Variants in TDRD7 observed in about 807,000 individuals in gnomAD.
The protein encoded by TDRD7 is tudor domain containing 7.
In TDRD7, 47 loss-of-function variants were observed where a neutral mutation model predicts 109.8. That is an observed-to-expected ratio of 0.43 (90% CI 0.34 to 0.55). The LOEUF is 0.55. TDRD7 is among the 20% of genes least tolerant of loss of function. The pLI is 0.03. For synonymous variants in TDRD7, 424 were observed against 457.3 expected, an observed-to-expected ratio of 0.93 and a Z score of 0.93; for missense variants, 1,164 against 1,319.2, an observed-to-expected ratio of 0.88 and a Z score of 1.82.
At chr9:97,450,921 T>TA (rs1564202671) in intron 6 of TDRD7, among the ~76,000 whole-genome samples, 2 of 151,370 alleles carry the variant, frequency 1.3e-5, no homozygotes, top group African/African-American at 2.4e-5. Context: ...TTTTTTTTTT[T>TA]AAACTAATGA....
intron 1 of TDRD7, among the ~76,000 whole-genome samples, chr9:97,417,465 AAG>A (rs1425734856): frequency 6.6e-6 from 1 of 152,220 alleles, no homozygotes; most frequent in Non-Finnish European, 1.5e-5. Flanking sequence ...TGCTCCAGGA[AAG>A]AGATGTTGCT....
At chr9:97,475,491 T>C (rs146331231) in intron 12 of TDRD7, 22 bp downstream of exon 12, 4 of 1,536,510 alleles carry the variant, frequency 2.6e-6, no homozygotes, top group Non-Finnish European at 3.6e-6. Flanking sequence ...TCACTTGGCT[T>C]TTTAATCTTA....
chr9:97,413,856 C>T (rs973191239), intron 1 of TDRD7, among the ~76,000 whole-genome samples: 2 of 152,060 alleles, frequency 1.3e-5, no homozygotes, highest in African/African-American at 2.4e-5. Context: ...CTGCTAATGC[C>T]CTTTTAAGTG....
chr9:97,463,782 C>T (rs1423379649), intron 7 of TDRD7, among the ~76,000 whole-genome samples: 2 of 152,126 alleles, frequency 1.3e-5, no homozygotes, highest in Non-Finnish European at 2.9e-5. Context: ...AACAAGGTGA[C>T]CACAGTTGTC....
intron 1 of TDRD7, among the ~76,000 whole-genome samples, chr9:97,418,982 G>A (rs1827855737): frequency 6.6e-6 from 1 of 152,192 alleles, no homozygotes; most frequent in Non-Finnish European, 1.5e-5. Context: ...CCTTCTTACT[G>A]AAACTCTGGC....
At chr9:97,427,876 TA>T (rs1309922861) in intron 1 of TDRD7, among the ~76,000 whole-genome samples, 2 of 152,238 alleles carry the variant, frequency 1.3e-5, no homozygotes, top group Non-Finnish European at 2.9e-5. Context: ...GTGATCTTTC[TA>T]AAATACAGAG....
chr9:97,435,698 G>A (rs1828184473), intron 4 of TDRD7, among the ~76,000 whole-genome samples: 1 of 151,790 alleles, frequency 6.6e-6, no homozygotes, highest in Non-Finnish European at 1.5e-5. Flanking sequence ...TTTTAATCAA[G>A]TCTTTTTTTA....
chr9:97,475,046 T>G (rs994715911), intron 11 of TDRD7, among the ~76,000 whole-genome samples: 4 of 152,102 alleles, frequency 2.6e-5, no homozygotes, highest in Non-Finnish European at 5.9e-5. Flanking sequence ...TCCTCACTGT[T>G]CTTCTTTTTG....
At chr9:97,434,319 G>C (rs1328889449) in intron 4 of TDRD7, among the ~76,000 whole-genome samples, 1 of 152,140 alleles carries the variant, frequency 6.6e-6, no homozygotes, top group Non-Finnish European at 1.5e-5. Context: ...CAAACTCATA[G>C]AAACAGTAAA....
chr9:97,467,486 C>T lies in TDRD7; in HGVS notation c.1629+2458C>T, dbSNP rs111226326. ...TGCTTATCTGTAAATTCAAACACTC[C>T]CATCGTGTTGTATATACCTGATACA... is the stretch of plus-strand genomic sequence containing the variant. On this transcript the variant is annotated intron_variant, in intron 8 of 16. Transcript: ENST00000355295. Among the ~76,000 whole-genome samples the T allele has an allele frequency of 8.2e-3, 1,256 of 152,264 alleles. 44 individuals are homozygous for T. In the East Asian group the frequency reaches 0.11, roughly 13 times the overall value.
At chr9:97,421,845 A>G (rs550025157) in intron 1 of TDRD7, among the ~76,000 whole-genome samples, 13 of 151,944 alleles carry the variant, frequency 8.6e-5, no homozygotes, top group African/African-American at 2.7e-4. Context: ...ACAGACGTGA[A>G]CCACCGTGCC....
chr9:97,417,679 G>C (rs1056336683), intron 1 of TDRD7, among the ~76,000 whole-genome samples: 1 of 152,140 alleles, frequency 6.6e-6, no homozygotes, highest in Non-Finnish European at 1.5e-5. Flanking sequence ...TTAAACTTGC[G>C]GAACACAAGT....
intron 6 of TDRD7, among the ~76,000 whole-genome samples, chr9:97,457,104 A>G (rs752949833): frequency 3.0e-4 from 46 of 152,226 alleles, no homozygotes; most frequent in Non-Finnish European, 5.4e-4. Flanking sequence ...ATGTTAATCA[A>G]AACCAACCAC....
intron 6 of TDRD7, among the ~76,000 whole-genome samples, chr9:97,457,971 AGGGCCTATTAGGGGGTTATTAG>A (rs1828648796): frequency 1.3e-5 from 2 of 152,114 alleles, no homozygotes; most frequent in African/African-American, 4.8e-5. Context: ...AACACTTACC[AGGGCCTATTAGGGGGTTATTAG>A]GGGCCTATTA....
rs765017345 is a variant in TDRD7 at position 97,487,292 on chromosome 9, C to T, written c.3036C>T (p.Phe1012=). 7 of 1,613,888 alleles carry T rather than the reference C, an allele frequency of 4.3e-6. No homozygotes were observed. In the South Asian group the frequency reaches 7.7e-5, roughly 18 times the overall value. ...IRKVQPLVDM[F]RKLPFQAVTA... Reference sequence around the variant, plus strand: ...AAGTACAGCCCCTAGTGGACATGTTCCGAAAGCTGCCCTTCCAAGCAGTCA... The same window carrying T: ...AAGTACAGCCCCTAGTGGACATGTTTCGAAAGCTGCCCTTCCAAGCAGTCA... Residue 1012 remains phenylalanine (F), a synonymous_variant, in exon 16 of 17, where the codon TTC becomes TTT. Transcript: ENST00000355295.
intron 15 of TDRD7, among the ~76,000 whole-genome samples, chr9:97,484,112 T>G (rs1214794846): frequency 6.6e-6 from 1 of 152,224 alleles, no homozygotes; most frequent in Non-Finnish European, 1.5e-5. Flanking sequence ...GACTCTTGCT[T>G]TATGTTGTCA....
intron 14 of TDRD7, 98 bp from the exon 15 acceptor site, chr9:97,482,751 G>C: frequency 7.5e-7 from 1 of 1,342,260 alleles, no homozygotes; most frequent in South Asian, 1.3e-5. Context: ...AAGGGTTTTG[G>C]CAAAATACTG....
At chr9:97,469,259 G>C (rs559751355) in intron 8 of TDRD7, among the ~76,000 whole-genome samples, 16 of 152,280 alleles carry the variant, frequency 1.1e-4, no homozygotes, top group African/African-American at 3.9e-4. Context: ...TGCTAATTTA[G>C]GATTGGAGAA....
At chr9:97,438,551 T>G (rs1354316956) in intron 4 of TDRD7, among the ~76,000 whole-genome samples, 1 of 152,060 alleles carries the variant, frequency 6.6e-6, no homozygotes, top group Admixed American at 6.6e-5. Flanking sequence ...ACACTTAGAG[T>G]CTAGTGTGGG....
Sources: gnomAD v4.1 joint callset for allele counts (sites outside exome capture counted in the v4.1 genomes callset) on GRCh38, gnomAD v4.1.1 for gene constraint, MANE v1.5 for transcripts, NCBI Gene and HGNC (gene_info 2026-07-23, HGNC 2026-07-21) for gene names.